The following PRPF19 variants were observed in gnomAD, a reference collection of about 807,000 sequenced individuals.
PRPF19 encodes the protein pre-mRNA processing factor 19.
PRPF19 carries 2 observed loss-of-function variants against 64.2 expected under a neutral mutation model. The ratio of observed to expected loss-of-function variants is 0.03; its 90% confidence interval spans 0.01 to 0.10. PRPF19 has a LOEUF of 0.10. Ranked by LOEUF, PRPF19 falls within the 10% of genes least tolerant of loss-of-function variation. PRPF19 has a pLI of 1.00. For synonymous variants in PRPF19, 226 were observed against 251.6 expected, an observed-to-expected ratio of 0.90 and a Z score of 0.96; for missense variants, 314 against 650.0, an observed-to-expected ratio of 0.48 and a Z score of 5.62.
In PRPF19 at chr11:60,898,661, C is replaced by T. The variant is rs369559266; in HGVS notation, c.1055-35G>A. On this transcript the variant is annotated intron_variant, in intron 12 of 15. Coordinates refer to ENST00000227524, the MANE Select transcript of PRPF19 (RefSeq NM_014502.5). This position sits in a 1 kb window ranked among gnomAD's most constrained non-coding sequence, Gnocchi z 4.6. ...AGGGAAGAGAGACCTGTGGTCAGAGCCCACCAGGGAGAGAGACTAAGAGCA... is the reference window on the plus strand; with the variant it reads ...AGGGAAGAGAGACCTGTGGTCAGAGTCCACCAGGGAGAGAGACTAAGAGCA... 1 of 1,613,396 alleles carries T rather than the reference C, an allele frequency of 6.2e-7. No individual in the cohort carries two copies. The highest frequency in any genetic ancestry group is 1.7e-5 in the Admixed American group (1 of 59,986).
chr11:60,898,768 T>C lies in PRPF19; in HGVS notation c.1054+94A>G. The C allele has an allele frequency of 6.0e-6, 9 of 1,510,722 alleles. No homozygotes were observed. The highest frequency in any genetic ancestry group is 2.2e-5 in the Admixed American group (1 of 45,174). The allele number at this position is 1,510,722 out of a possible 1,614,324, so 93.6% of individuals were successfully genotyped here. On this transcript the variant is annotated intron_variant, in intron 12 of 15. Coordinates refer to ENST00000227524, the MANE Select transcript of PRPF19 (RefSeq NM_014502.5). This position sits in a 1 kb window ranked among gnomAD's most constrained non-coding sequence, Gnocchi z 4.6. ...ACTAGACAGGTGCTCATGGTAAATA[T>C]ATCTTTAGAACAAATAAACAAATGA...
At chr11:60,901,448 C>T in intron 7 of PRPF19, 51 bp downstream of exon 7, 1 of 1,613,850 alleles carries the variant, frequency 6.2e-7, no homozygotes, top group Non-Finnish European at 8.5e-7. Flanking sequence ...AAGGAGTCAA[C>T]CGCCTCCCAC....
At chr11:60,893,618 A>G (rs1175544974) in intron 15 of PRPF19, among the ~76,000 whole-genome samples, 1 of 152,176 alleles carries the variant, frequency 6.6e-6, no homozygotes, top group African/African-American at 2.4e-5. Context: ...AAATATTGCA[A>G]TAAGGCAAGG....
chr11:60,901,662 G>C, intron 6 of PRPF19, 122 bp from the exon 7 acceptor site: 1 of 1,126,816 alleles, frequency 8.9e-7, no homozygotes. Context: ...CAACTTCTAC[G>C]TTACAGGCTT....
At chr11:60,896,014 G>C (rs1048840825) in intron 15 of PRPF19, among the ~76,000 whole-genome samples, 3 of 152,168 alleles carry the variant, frequency 2.0e-5, no homozygotes, top group Admixed American at 1.3e-4. Flanking sequence ...TTGAAATACT[G>C]TAAGAATTAC....
Position 60,900,582 on chromosome 11 carries a change from C to T in PRPF19, c.828G>A (p.Gln276=). The part of the protein sequence containing the change: ...KVTSVVFHPS[Q]DLVFSASPDA... ...AAGGGTGGCGAGGAGAACCCCTTAC[C>T]TGGGAAGGGTGAAACACCACGCTGG... Residue 276 remains glutamine, a splice_region_variant and synonymous_variant, in exon 10 of 16, where the codon CAG becomes CAA. Coordinates refer to ENST00000227524, the MANE Select transcript of PRPF19 (RefSeq NM_014502.5). 1 of 1,548,794 alleles carries T rather than the reference C, an allele frequency of 6.5e-7. No homozygotes were observed.
intron 9 of PRPF19, 38 bp downstream of exon 9, chr11:60,900,816 C>G: frequency 6.2e-7 from 1 of 1,611,828 alleles, no homozygotes; most frequent in Non-Finnish European, 8.5e-7. Flanking sequence ...TGCTGCCCCT[C>G]CCCACTTTGG....
chr11:60,901,806 G>C (rs1328750822), intron 6 of PRPF19, among the ~76,000 whole-genome samples: 2 of 152,186 alleles, frequency 1.3e-5, no homozygotes, highest in Admixed American at 1.3e-4. Context: ...ATAAACAGCA[G>C]AGCAAGAATA....
intron 9 of PRPF19, 23 bp downstream of exon 9, chr11:60,900,830 GC>G: frequency 6.2e-7 from 1 of 1,613,746 alleles, no homozygotes; most frequent in Non-Finnish European, 8.5e-7. Context: ...ACTTTGGCCT[GC>G]CGGGCTAGGC....
intron 1 of PRPF19, among the ~76,000 whole-genome samples, chr11:60,905,839 G>A (rs1475556615): frequency 2.0e-5 from 3 of 152,234 alleles, no homozygotes; most frequent in African/African-American, 7.2e-5. Flanking sequence ...TGTAAGGCTG[G>A]GAGCCAGATA....
At chr11:60,897,407 C>G (rs569773652) in intron 15 of PRPF19, 56 of 159,510 alleles carry the variant, frequency 3.5e-4, no homozygotes, top group Non-Finnish European at 5.8e-4. Context: ...ACGATATCAC[C>G]TAACAAGACA....
In PRPF19 at chr11:60,898,583, T is replaced by G; in HGVS notation, c.1098A>C (p.Gly366=). 6.2e-7 allele frequency: 1 copy of G among 1,614,070 alleles called. No homozygotes were observed. The highest frequency in any genetic ancestry group is 8.5e-7 in the Non-Finnish European group (1 of 1,180,004). Residue 366 remains glycine, a synonymous_variant, in exon 13 of 16, where the codon GGA becomes GGC. Coordinates refer to ENST00000227524, the MANE Select transcript of PRPF19 (RefSeq NM_014502.5). This position sits in a 1 kb window ranked among gnomAD's most constrained non-coding sequence, Gnocchi z 4.6. ...AQFHPDGLIF[G]TGTMDSQIKI... ...TGATCTGAGAGTCCATGGTTCCTGTTCCAAAGATGAGTCCGTCAGGGTGGA... is the reference window on the plus strand; with the variant it reads ...TGATCTGAGAGTCCATGGTTCCTGTGCCAAAGATGAGTCCGTCAGGGTGGA...
At chr11:60,896,240 G>C (rs556111242) in intron 15 of PRPF19, among the ~76,000 whole-genome samples, 3 of 152,176 alleles carry the variant, frequency 2.0e-5, no homozygotes, top group African/African-American at 7.2e-5. Flanking sequence ...AAAGTTAACT[G>C]TAAAACAGCA....
At chr11:60,900,734 C>A (rs754735706) in intron 9 of PRPF19, 43 bp from the exon 10 acceptor site, 6 of 1,562,724 alleles carry the variant, frequency 3.8e-6, no homozygotes, top group Non-Finnish European at 5.2e-6. Context: ...TCAGGCCCAC[C>A]CAGGCCCTTT....
Position 60,895,263 on chromosome 11 carries a change from T to C in PRPF19, c.1417+2583A>G, listed in dbSNP as rs373388012. ...TGAGTGTACCCACCGTCAATGATCT[T>C]AGCTAGGTCTTCCGGATAACTTGCT... On this transcript the variant is annotated intron_variant, in intron 15 of 15. Transcript: ENST00000227524. 7.9e-5 allele frequency among the ~76,000 whole-genome samples: 12 copies of C among 152,382 alleles called. No homozygotes were observed. In the South Asian group the frequency reaches 1.0e-3, roughly 13 times the overall value.
chr11:60,892,899 C>G (rs183022613), intron 15 of PRPF19, among the ~76,000 whole-genome samples: 14 of 152,268 alleles, frequency 9.2e-5, no homozygotes, highest in African/African-American at 3.4e-4. Flanking sequence ...CTTTTATTAC[C>G]TGAGAGACTC....
intron 1 of PRPF19, 90 bp downstream of exon 1, chr11:60,906,274 C>G (rs2134868012): frequency 6.7e-7 from 1 of 1,495,764 alleles, no homozygotes; most frequent in East Asian, 2.7e-5. Context: ...CCCGCCTCCA[C>G]CCCGGCCCGG....
intron 15 of PRPF19, among the ~76,000 whole-genome samples, chr11:60,892,335 A>G (rs1430570744): frequency 1.3e-5 from 2 of 152,200 alleles, no homozygotes; most frequent in African/African-American, 4.8e-5. Flanking sequence ...TCAGTGCCCA[A>G]ATCGGGTCTG....
intron 1 of PRPF19, 48 bp from the exon 2 acceptor site, chr11:60,903,909 G>A (rs1405771708): frequency 6.3e-7 from 1 of 1,585,056 alleles, no homozygotes; most frequent in East Asian, 2.3e-5. Flanking sequence ...GCAATCTTGG[G>A]CCTAGAGGAT....
Sources: gnomAD v4.1 joint callset for allele counts (sites outside exome capture counted in the v4.1 genomes callset) on GRCh38, gnomAD v4.1.1 for gene constraint, Gnocchi (gnomAD v3.1) non-coding constraint, MANE v1.5 for transcripts, NCBI Gene and HGNC (gene_info 2026-07-23, HGNC 2026-07-21) for gene names.